TBC1D19: variants seen among roughly 807,000 people sequenced by gnomAD.
TBC1D19 encodes the protein TBC1 domain family member 19.
Under a neutral mutation model 89.0 loss-of-function variants are expected in TBC1D19, and 60 were observed. That is an observed-to-expected ratio of 0.67 (90% CI 0.55 to 0.84). The LOEUF is 0.84. TBC1D19 is among the 40% of genes least tolerant of loss of function. TBC1D19 has a pLI of 0.00. For synonymous variants in TBC1D19, 189 were observed against 199.7 expected, an observed-to-expected ratio of 0.95 and a Z score of 0.45; for missense variants, 500 against 610.8, an observed-to-expected ratio of 0.82 and a Z score of 1.91.
chr4:26,846,138 C>T, the TBC1D19 span, among the ~76,000 whole-genome samples: 4 of 152,146 alleles, frequency 2.6e-5, no homozygotes, highest in African/African-American at 4.8e-5. Context: ...TCTAAATCTA[C>T]ACCACATTTC....
At chr4:26,692,478 A>C (rs1354071420) in intron 13 of TBC1D19, among the ~76,000 whole-genome samples, 1 of 152,240 alleles carries the variant, frequency 6.6e-6, no homozygotes, top group Non-Finnish European at 1.5e-5. Context: ...CTCACAAAGC[A>C]GAAGTGTCAC....
At chr4:26,839,707 G>A in the TBC1D19 span, among the ~76,000 whole-genome samples, 1 of 152,124 alleles carries the variant, frequency 6.6e-6, no homozygotes, top group Non-Finnish European at 1.5e-5. Flanking sequence ...CATTCAGATT[G>A]TTCTCATTAA....
chr4:26,795,479 T>C, the TBC1D19 span, among the ~76,000 whole-genome samples: 1 of 152,206 alleles, frequency 6.6e-6, no homozygotes, highest in African/African-American at 2.4e-5. Context: ...GAGGGACCTT[T>C]TTGCCTGTTT....
chr4:26,678,283 G>A (rs944002977), intron 11 of TBC1D19, among the ~76,000 whole-genome samples: 3 of 152,218 alleles, frequency 2.0e-5, no homozygotes, highest in African/African-American at 7.2e-5. Flanking sequence ...CCCTGCCCTA[G>A]AGATCTGTGT....
intron 11 of TBC1D19, among the ~76,000 whole-genome samples, chr4:26,680,284 T>G (rs982963152): frequency 1.3e-5 from 2 of 152,234 alleles, no homozygotes; most frequent in African/African-American, 4.8e-5. Context: ...GGTTAAACAC[T>G]TTTAAAAATC....
At chr4:26,651,316 A>G (rs1311212960) in intron 7 of TBC1D19, among the ~76,000 whole-genome samples, 2 of 152,100 alleles carry the variant, frequency 1.3e-5, no homozygotes, top group African/African-American at 2.4e-5. Context: ...CAGTATGGCC[A>G]TTTTCACGAT....
intron 19 of TBC1D19, 65 bp downstream of exon 19, chr4:26,748,591 A>T: frequency 1.7e-6 from 2 of 1,142,856 alleles, no homozygotes; most frequent in Admixed American, 3.9e-5. Context: ...TTTCTTCCTA[A>T]CATTCACCAT....
the TBC1D19 span, among the ~76,000 whole-genome samples, chr4:26,807,051 T>C: frequency 3.9e-5 from 6 of 152,222 alleles, no homozygotes; most frequent in South Asian, 1.2e-3. Context: ...AGTGAGTGAA[T>C]AAATTGAAGA....
chr4:26,649,021 T>G (rs1022902879), intron 7 of TBC1D19, among the ~76,000 whole-genome samples: 1 of 152,082 alleles, frequency 6.6e-6, no homozygotes. Context: ...ACTCATGTAT[T>G]TACAGTTTTT....
At chr4:26,831,675 T>C in the TBC1D19 span, among the ~76,000 whole-genome samples, 1 of 150,720 alleles carries the variant, frequency 6.6e-6, no homozygotes, top group African/African-American at 2.4e-5. Context: ...CTCGGCCTCC[T>C]GAGTTCAAGC....
At chr4:26,609,301 T>C (rs1741215207) in intron 1 of TBC1D19, among the ~76,000 whole-genome samples, 1 of 152,084 alleles carries the variant, frequency 6.6e-6, no homozygotes, top group South Asian at 2.1e-4. Flanking sequence ...GATGCAAAAA[T>C]AAAGACCCAT....
At chr4:26,812,335 G>A in the TBC1D19 span, among the ~76,000 whole-genome samples, 1 of 152,234 alleles carries the variant, frequency 6.6e-6, no homozygotes, top group East Asian at 1.9e-4. This position sits in a 1 kb window ranked among gnomAD's most constrained non-coding sequence, Gnocchi z 4.2. Flanking sequence ...TTCCTGTTAA[G>A]TCGTTCTGAG....
At chr4:26,616,408 C>A (rs1432328465) in intron 3 of TBC1D19, among the ~76,000 whole-genome samples, 2 of 152,130 alleles carry the variant, frequency 1.3e-5, no homozygotes, top group African/African-American at 4.8e-5. Flanking sequence ...GAACTCTTTT[C>A]ATATGGAAGT....
chr4:26,618,646 A>G (rs1741842511), intron 3 of TBC1D19, among the ~76,000 whole-genome samples: 1 of 152,176 alleles, frequency 6.6e-6, no homozygotes, highest in South Asian at 2.1e-4. Flanking sequence ...TCATTCAGCA[A>G]TATATTGGTT....
the TBC1D19 span, among the ~76,000 whole-genome samples, chr4:26,797,946 A>G: frequency 9.9e-5 from 15 of 152,206 alleles, no homozygotes; most frequent in African/African-American, 3.6e-4. Flanking sequence ...AAAATCCTAG[A>G]AGAAAACTTA....
At chr4:26,593,108 C>A (rs1739934675) in intron 1 of TBC1D19, among the ~76,000 whole-genome samples, 2 of 152,304 alleles carry the variant, frequency 1.3e-5, no homozygotes, top group South Asian at 4.1e-4. Flanking sequence ...GCTACAGTAA[C>A]CAAACCAGCA....
intron 11 of TBC1D19, among the ~76,000 whole-genome samples, chr4:26,678,853 C>T (rs1336427972): frequency 6.6e-6 from 1 of 152,092 alleles, no homozygotes; most frequent in Non-Finnish European, 1.5e-5. Flanking sequence ...GGCAGTTTTG[C>T]ATGACCCAGT....
the TBC1D19 span, among the ~76,000 whole-genome samples, chr4:26,815,477 T>C: frequency 6.6e-6 from 1 of 152,250 alleles, no homozygotes; most frequent in Non-Finnish European, 1.5e-5. Context: ...GGAACTTTAG[T>C]GAACAAGACA....
At chr4:26,681,262 G>T (rs1713312200) in intron 11 of TBC1D19, among the ~76,000 whole-genome samples, 2 of 152,074 alleles carry the variant, frequency 1.3e-5, no homozygotes, top group Admixed American at 6.6e-5. Context: ...GCCTTGGCCG[G>T]GCGTGGTGGC....
Sources: allele counts gnomAD v4.1 joint callset (sites outside exome capture counted in the v4.1 genomes callset), GRCh38; gene constraint gnomAD v4.1.1; non-coding constraint Gnocchi (gnomAD v3.1); transcripts MANE v1.5; gene names NCBI Gene and HGNC (gene_info 2026-07-23, HGNC 2026-07-21).